The following SLC6A5 variants were observed in gnomAD, a reference collection of about 807,000 sequenced individuals.
SLC6A5 encodes the protein sodium- and chloride-dependent glycine transporter 2.
In SLC6A5, 58 loss-of-function variants were observed where a neutral mutation model predicts 90.5. The ratio of observed to expected loss-of-function variants is 0.64; its 90% confidence interval spans 0.52 to 0.80. The LOEUF (loss-of-function observed/expected upper bound fraction) is 0.80, where lower values mean the gene tolerates loss of function less well. Ranked by LOEUF, SLC6A5 falls within the 30% of genes least tolerant of loss-of-function variation. The pLI, the probability that SLC6A5 is intolerant of heterozygous loss-of-function variation, is 0.00. For missense variants in SLC6A5, 1,015 were observed against 1,017.6 expected (o/e 1.00, Z 0.03); for synonymous variants, 427 against 401.4 (o/e 1.06, Z -0.76).
intron 9 of SLC6A5, among the ~76,000 whole-genome samples, chr11:20,628,309 C>T (rs886809982): frequency 6.6e-6 from 1 of 152,150 alleles, no homozygotes; most frequent in Non-Finnish European, 1.5e-5. Context: ...GGCTCAGTGG[C>T]TATTTACAGG....
chr11:20,644,439 C>T (rs572765235), intron 13 of SLC6A5, among the ~76,000 whole-genome samples: 98 of 152,300 alleles, frequency 6.4e-4, no homozygotes, highest in African/African-American at 1.9e-3. Flanking sequence ...CTGAATGGTA[C>T]GCCGTTGTGT....
Position 20,617,883 on chromosome 11 carries a change from A to C in SLC6A5, c.1259A>C (p.Lys420Thr). ...SLAKGIKTSGKVVYFTATFPY... is the reference protein window; with the variant it reads ...SLAKGIKTSGTVVYFTATFPY... Reference sequence around the variant, plus strand: ...GCTAAAGGAATCAAGACTTCAGGAAAAGTAAGCACTTGGATTTATCTAAGA... The same window carrying C: ...GCTAAAGGAATCAAGACTTCAGGAACAGTAAGCACTTGGATTTATCTAAGA... The change falls in exon 7 of 16, where the codon AAA becomes ACA. Residue 420 changes from lysine to threonine, a missense_variant and splice_region_variant. Lys to Thr is a moderately conservative substitution (Grantham distance 78, BLOSUM62 -1). Coordinates refer to ENST00000525748, the MANE Select transcript of SLC6A5 (RefSeq NM_004211.5). 1 of 1,612,246 alleles carries C rather than the reference A, an allele frequency of 6.2e-7. No individual in the cohort carries two copies. The highest frequency in any genetic ancestry group is 8.5e-7 in the Non-Finnish European group (1 of 1,179,834).
rs965296396 is a variant in SLC6A5 at position 20,601,813 on chromosome 11, C to T, written c.540+148C>T. 9 of 876,628 alleles carry T rather than the reference C, an allele frequency of 1.0e-5. No individual in the cohort carries two copies. The African/African-American group carries it at 1.3e-4, about 13-fold the overall frequency. The allele number at this position is 876,628 out of a possible 1,614,324, so 54.3% of individuals were successfully genotyped here. Reference sequence around the variant, plus strand: ...GATGCGGGAGGCGGCTTTGGGGCTTCGGAAGCTCGCACTGCGCTGGGGTCG... The same window carrying T: ...GATGCGGGAGGCGGCTTTGGGGCTTTGGAAGCTCGCACTGCGCTGGGGTCG... On this transcript the variant is annotated intron_variant, in intron 2 of 15. Transcript: ENST00000525748.
chr11:20,639,777 C>T (rs1853278217), intron 13 of SLC6A5, among the ~76,000 whole-genome samples: 2 of 152,204 alleles, frequency 1.3e-5, no homozygotes, highest in South Asian at 4.1e-4. Flanking sequence ...AGGATGATAC[C>T]TGCAGTCAAT....
At chr11:20,634,443 T>C (rs1271504489) in intron 10 of SLC6A5, among the ~76,000 whole-genome samples, 2 of 152,206 alleles carry the variant, frequency 1.3e-5, no homozygotes, top group Non-Finnish European at 2.9e-5. Context: ...TTGAAATCAC[T>C]TGTTTCCTCT....
chr11:20,600,379 AAGAAGAAGAAGAAGAAG>A (rs1565269023), intron 1 of SLC6A5, among the ~76,000 whole-genome samples: 8 of 150,234 alleles, frequency 5.3e-5, no homozygotes, highest in Non-Finnish European at 1.0e-4. Context: ...GAAGAAGAAG[AAGAAGAAGAAGAAGAAG>A]AAGAAGAAGA....
At chr11:20,601,838 G>C (rs930762772) in intron 2 of SLC6A5, among the ~76,000 whole-genome samples, 173 bp downstream of exon 2, 3 of 152,322 alleles carry the variant, frequency 2.0e-5, no homozygotes, top group Middle Eastern at 3.4e-3. Context: ...CGCTGGGGTC[G>C]GCAGTTCAGG....
At chr11:20,644,094 C>T (rs1053875667) in intron 13 of SLC6A5, among the ~76,000 whole-genome samples, 65 of 152,166 alleles carry the variant, frequency 4.3e-4, no homozygotes, top group Non-Finnish European at 8.1e-4. Context: ...TATATATTTA[C>T]GAGGTTCAAA....
intron 10 of SLC6A5, among the ~76,000 whole-genome samples, chr11:20,631,582 C>A (rs910346683): frequency 1.3e-5 from 2 of 152,156 alleles, no homozygotes; most frequent in African/African-American, 2.4e-5. Context: ...AGCCTGGTTC[C>A]ACAAAGGATT....
intron 10 of SLC6A5, 98 bp downstream of exon 10, chr11:20,630,913 C>A: frequency 7.1e-7 from 1 of 1,412,316 alleles, no homozygotes; most frequent in Non-Finnish European, 9.8e-7. Flanking sequence ...CCTTCTGGAA[C>A]AGGATAGAGG....
chr11:20,621,335 G>C (rs1195922306), intron 7 of SLC6A5, among the ~76,000 whole-genome samples: 1 of 152,174 alleles, frequency 6.6e-6, no homozygotes, highest in East Asian at 1.9e-4. Context: ...TCAAGAGTTA[G>C]AATATTCTCT....
intron 15 of SLC6A5, among the ~76,000 whole-genome samples, chr11:20,653,116 G>A (rs866076010): frequency 6.6e-6 from 1 of 152,204 alleles, no homozygotes; most frequent in South Asian, 2.1e-4. Flanking sequence ...CACCAGTGAA[G>A]TGTGGTCAGG....
chr11:20,633,034 A>C (rs928598508), intron 10 of SLC6A5, among the ~76,000 whole-genome samples: 2 of 152,072 alleles, frequency 1.3e-5, no homozygotes, highest in Non-Finnish European at 2.9e-5. Context: ...TATGATAGGC[A>C]TAGGGAAGGG....
chr11:20,617,337 C>A (rs1265845116), intron 6 of SLC6A5, among the ~76,000 whole-genome samples: 1 of 152,196 alleles, frequency 6.6e-6, no homozygotes, highest in Non-Finnish European at 1.5e-5. Flanking sequence ...AAATTAAAAT[C>A]ACACAAATAC....
Position 20,604,408 on chromosome 11 carries a change from C to T in SLC6A5, c.663C>T (p.Ala221=), listed in dbSNP as rs1019810452. ...LGNVWRFPYL[A]FQNGGGAFLI... is the part of the protein sequence containing the mutation. ...ATGTCTGGAGGTTTCCCTACCTGGC[C>T]TTCCAGAACGGGGGAGGTATGGCTT... Residue 221 remains alanine, a synonymous_variant, in exon 3 of 16, where the codon GCC becomes GCT. Transcript: ENST00000525748. 2 of 1,613,786 alleles carry T rather than the reference C, an allele frequency of 1.2e-6. No homozygotes were observed. Among genetic ancestry groups the T allele is most frequent in the African/African-American group, 1.3e-5 (1 of 74,932 alleles).
chr11:20,651,542 G>A (rs1165885553), intron 14 of SLC6A5, among the ~76,000 whole-genome samples: 4 of 151,352 alleles, frequency 2.6e-5, no homozygotes, highest in Admixed American at 1.3e-4. Context: ...CTAAGTGCTG[G>A]GATTACAGGC....
intron 15 of SLC6A5, 39 bp downstream of exon 15, chr11:20,652,495 AG>A (rs1853561080): frequency 6.3e-7 from 1 of 1,582,958 alleles, no homozygotes; most frequent in African/African-American, 1.3e-5. Flanking sequence ...ATTCCTCCCA[AG>A]GGAAAGCCCA....
chr11:20,613,920 A>G (rs1223561736), intron 5 of SLC6A5, among the ~76,000 whole-genome samples: 1 of 152,110 alleles, frequency 6.6e-6, no homozygotes, highest in African/African-American at 2.4e-5. Flanking sequence ...AGACACCAGT[A>G]AGCACCAGGT....
At chr11:20,630,012 C>T (rs967293179) in intron 9 of SLC6A5, among the ~76,000 whole-genome samples, 4 of 152,084 alleles carry the variant, frequency 2.6e-5, no homozygotes, top group Non-Finnish European at 4.4e-5. Flanking sequence ...TATGAGCCAC[C>T]GTGCCCGGCT....
Sources: allele counts gnomAD v4.1 joint callset (sites outside exome capture counted in the v4.1 genomes callset), GRCh38; gene constraint gnomAD v4.1.1; transcripts MANE v1.5; gene names NCBI Gene and HGNC (gene_info 2026-07-23, HGNC 2026-07-21).